ADAM22: variants seen among roughly 807,000 people sequenced by gnomAD.
The protein encoded by ADAM22 is disintegrin and metalloproteinase domain-containing protein 22.
In ADAM22, 65 loss-of-function variants were observed where a neutral mutation model predicts 144.6. That is an observed-to-expected ratio of 0.45 (90% CI 0.37 to 0.55). The LOEUF (loss-of-function observed/expected upper bound fraction) is 0.55. Ranked by LOEUF, ADAM22 falls within the 20% of genes least tolerant of loss-of-function variation. The pLI, the probability that ADAM22 is intolerant of heterozygous loss-of-function variation, is 0.00. For synonymous variants in ADAM22, 391 were observed against 412.6 expected, an observed-to-expected ratio of 0.95 and a Z score of 0.63; for missense variants, 974 against 1,184.9, an observed-to-expected ratio of 0.82 and a Z score of 2.61.
At chr7:88,023,140 G>A (rs188292731) in intron 3 of ADAM22, among the ~76,000 whole-genome samples, 86 of 151,924 alleles carry the variant, frequency 5.7e-4, no homozygotes, top group African/African-American at 2.0e-3. Context: ...TTCTTCCTTC[G>A]TTTTAATGAA....
chr7:88,171,475 C>A, intron 25 of ADAM22, 69 bp from the exon 26 acceptor site: 1 of 1,413,570 alleles, frequency 7.1e-7, no homozygotes, highest in Non-Finnish European at 9.7e-7. Flanking sequence ...TTAGAGCTCC[C>A]TCTTGATGTC....
chr7:87,940,140 C>A (rs1321584785), intron 2 of ADAM22, among the ~76,000 whole-genome samples: 1 of 148,148 alleles, frequency 6.8e-6, no homozygotes, highest in Non-Finnish European at 1.5e-5. Context: ...AGAGATGGTG[C>A]CACTGCACTC....
intron 1 of ADAM22, 56 bp downstream of exon 1, chr7:87,934,606 A>G: frequency 6.6e-7 from 1 of 1,514,108 alleles, no homozygotes; most frequent in South Asian, 1.2e-5. Flanking sequence ...GAATCTTTGG[A>G]GCCCTCAGGC....
At chr7:87,954,761 C>G (rs575074521) in intron 2 of ADAM22, among the ~76,000 whole-genome samples, 116 of 152,316 alleles carry the variant, frequency 7.6e-4, no homozygotes, top group African/African-American at 2.7e-3. Context: ...TCCATTCTCC[C>G]CATCACTTTC....
chr7:88,117,333 T>C (rs1828014868), intron 7 of ADAM22, among the ~76,000 whole-genome samples: 1 of 152,238 alleles, frequency 6.6e-6, no homozygotes, highest in Admixed American at 6.5e-5. Flanking sequence ...AGATTACTTA[T>C]GATTTACTAT....
intron 4 of ADAM22, among the ~76,000 whole-genome samples, chr7:88,081,258 G>A (rs1179817141): frequency 6.6e-6 from 1 of 152,234 alleles, no homozygotes; most frequent in East Asian, 1.9e-4. Flanking sequence ...TATCTCAATA[G>A]ATGCAGAAAA....
At chr7:88,092,946 A>G (rs912597824) in intron 4 of ADAM22, among the ~76,000 whole-genome samples, 1 of 124,674 alleles carries the variant, frequency 8.0e-6, no homozygotes. Context: ...TCTTTCTGGT[A>G]TAAGATTTTT....
rs566624350 is a variant in ADAM22 at position 88,152,244 on chromosome 7, C to T, written c.1681+924C>T. Among the ~76,000 whole-genome samples the T allele has an allele frequency of 4.6e-5, 7 of 152,134 alleles. No homozygotes were observed. The South Asian group carries it at 8.3e-4, about 18-fold the overall frequency. On this transcript the variant is annotated intron_variant, in intron 20 of 31. Transcript: ENST00000413139. ...AACAAGAAGTAGGAAACATAACTAC[C>T]GACATAACTATTGTTTTTTTTAAAA...
rs535354483 is a variant in ADAM22 at position 87,954,075 on chromosome 7, A to T, written c.246+18889A>T. 5.7e-4 allele frequency among the ~76,000 whole-genome samples: 86 copies of T among 152,134 alleles called. 1 individual carries two copies. Among genetic ancestry groups the T allele is most frequent in the African/African-American group, 2.0e-3 (81 of 41,480 alleles). On this transcript the variant is annotated intron_variant, in intron 2 of 31. Coordinates refer to ENST00000413139, the MANE Select transcript of ADAM22 (RefSeq NM_001324418.2). ...TGGGTTTCCTGAATACAGCACACTGATGGGTCTTGACTCTTTATCCAATTT... is the reference window on the plus strand; with the variant it reads ...TGGGTTTCCTGAATACAGCACACTGTTGGGTCTTGACTCTTTATCCAATTT...
chr7:87,981,590 G>A (rs1281342485), intron 3 of ADAM22, among the ~76,000 whole-genome samples: 1 of 152,006 alleles, frequency 6.6e-6, no homozygotes, highest in African/African-American at 2.4e-5. Context: ...GGTTAGACAA[G>A]GAACACCCAA....
At chr7:87,974,947 C>T (rs1851545601) in intron 2 of ADAM22, among the ~76,000 whole-genome samples, 1 of 152,270 alleles carries the variant, frequency 6.6e-6, no homozygotes, top group South Asian at 2.1e-4. Flanking sequence ...ACCCTGTTGC[C>T]TTCCACTTAT....
chr7:88,082,318 C>A (rs1006603846), intron 4 of ADAM22, among the ~76,000 whole-genome samples: 1 of 152,180 alleles, frequency 6.6e-6, no homozygotes, highest in African/African-American at 2.4e-5. Context: ...CTTCCTTACA[C>A]CTTACACAAA....
At chr7:88,011,457 G>A (rs993944168) in intron 3 of ADAM22, among the ~76,000 whole-genome samples, 5 of 151,448 alleles carry the variant, frequency 3.3e-5, no homozygotes, top group South Asian at 2.1e-4. Flanking sequence ...GGAGAATGGC[G>A]TGAACCCGGC....
At chr7:88,051,571 G>A (rs961638495) in intron 3 of ADAM22, among the ~76,000 whole-genome samples, 1 of 152,052 alleles carries the variant, frequency 6.6e-6, no homozygotes, top group African/African-American at 2.4e-5. Flanking sequence ...GGAGGAGGGA[G>A]GGATAGCATT....
rs140803695 is a variant in ADAM22, at chr7:88,146,499, G to A, written c.1485+992G>A. Among the ~76,000 whole-genome samples, 6 of 152,286 alleles carry A rather than the reference G, an allele frequency of 3.9e-5. No homozygotes were observed. In the East Asian group the frequency reaches 1.2e-3, roughly 29 times the overall value. Reference sequence around the variant, plus strand: ...CCTTTGTTGTAAGGGTATGTCTTGTGCATTGTAGAATATTTAGCAGTATCT... The same window carrying A: ...CCTTTGTTGTAAGGGTATGTCTTGTACATTGTAGAATATTTAGCAGTATCT... On this transcript the variant is annotated intron_variant, in intron 17 of 31. Transcript: ENST00000413139.
At chr7:88,183,294 A>C (rs1223079314) in intron 29 of ADAM22, among the ~76,000 whole-genome samples, 1 of 152,212 alleles carries the variant, frequency 6.6e-6, no homozygotes, top group Non-Finnish European at 1.5e-5. Flanking sequence ...GAGGTCACCT[A>C]GTAAGAGCTC....
chr7:88,166,367 A>C (rs1228802824), intron 24 of ADAM22, among the ~76,000 whole-genome samples: 1 of 152,164 alleles, frequency 6.6e-6, no homozygotes, highest in African/African-American at 2.4e-5. Flanking sequence ...ATTGTTGTTC[A>C]ACCCCAGTTC....
intron 1 of ADAM22, 94 bp from the exon 2 acceptor site, chr7:87,934,932 G>A: frequency 6.5e-7 from 1 of 1,549,274 alleles, no homozygotes; most frequent in Non-Finnish European, 8.9e-7. Context: ...TTTTCGTAGG[G>A]GAGACGTAGG....
At chr7:88,186,729 T>C in intron 30 of ADAM22, 28 bp downstream of exon 30, 1 of 1,361,160 alleles carries the variant, frequency 7.3e-7, no homozygotes, top group Non-Finnish European at 1.0e-6. Flanking sequence ...TTTTATATCC[T>C]TCTCAAACTC....
Sources: allele counts gnomAD v4.1 joint callset (sites outside exome capture counted in the v4.1 genomes callset), GRCh38; gene constraint gnomAD v4.1.1; transcripts MANE v1.5; gene names NCBI Gene and HGNC (gene_info 2026-07-23, HGNC 2026-07-21).